The following RUNX2 variants were observed in gnomAD, a reference collection of about 807,000 sequenced individuals.
RUNX2 encodes the protein RUNX family transcription factor 2, also known as runt-related transcription factor 2.
A neutral mutation model predicts 51.7 loss-of-function variants in RUNX2; 10 were observed. That is an observed-to-expected ratio of 0.19 (90% CI 0.12 to 0.33). The LOEUF (loss-of-function observed/expected upper bound fraction) is 0.33. RUNX2 is among the 10% of genes least tolerant of loss of function. RUNX2 has a pLI of 1.00. For synonymous variants in RUNX2, 276 were observed against 273.6 expected (o/e 1.01, Z -0.09); for missense variants, 562 against 691.3 (o/e 0.81, Z 2.10).
chr6:45,500,405 G>C (rs1389691570), intron 6 of RUNX2, among the ~76,000 whole-genome samples: 7 of 152,168 alleles, frequency 4.6e-5, no homozygotes, highest in Admixed American at 2.6e-4. Context: ...TTGTAATAAA[G>C]ACTTGCTTTT....
chr6:45,361,512 T>C (rs1054115527), intron 2 of RUNX2: 1 of 152,224 alleles, frequency 6.6e-6, no homozygotes, highest in Non-Finnish European at 1.5e-5. Context: ...ATTAAAATTC[T>C]TAAGAAGTTT....
intron 7 of RUNX2, among the ~76,000 whole-genome samples, chr6:45,522,122 C>T (rs1200405801): frequency 6.6e-6 from 1 of 152,156 alleles, no homozygotes; most frequent in Non-Finnish European, 1.5e-5. Context: ...GTTTGGAATG[C>T]TTTTCTTTCA....
At chr6:45,465,648 GTT>G in intron 5 of RUNX2, among the ~76,000 whole-genome samples, 1 of 141,998 alleles carries the variant, frequency 7.0e-6, no homozygotes, top group African/African-American at 2.6e-5. Context: ...TTTCTTTTTG[GTT>G]TTTTTTTTTT....
At chr6:45,456,793 A>C (rs1483364969) in intron 5 of RUNX2, among the ~76,000 whole-genome samples, 3 of 152,250 alleles carry the variant, frequency 2.0e-5, no homozygotes, top group Non-Finnish European at 4.4e-5. Context: ...TTGTAATAAC[A>C]TTGATGACTT....
chr6:45,506,916 A>G (rs1800985814), intron 6 of RUNX2, among the ~76,000 whole-genome samples: 1 of 151,738 alleles, frequency 6.6e-6, no homozygotes, highest in South Asian at 2.1e-4. Context: ...TTGGCCTTCC[A>G]AAGTACTGAG....
rs77744169 is a variant in RUNX2, at chr6:45,399,759, A to AAAGGAAGG, written c.59-22828_59-22821dup. ...GGGGAAAGAGAGAAAGGAAGAGAGG[A>AAAGGAAGG]AAGGAAGGAAGGAGGGAGGGAGGGA... On this transcript the variant is annotated intron_variant, in intron 2 of 8. Transcript: ENST00000647337. Among the ~76,000 whole-genome samples the AAAGGAAGG allele has an allele frequency of 2.8e-5, 4 of 145,178 alleles. No individual in the cohort carries two copies. In the Admixed American group the frequency reaches 2.8e-4, roughly 10 times the overall value.
Position 45,395,689 on chromosome 6 carries a change from T to C in RUNX2, c.59-26904T>C, listed in dbSNP as rs969437119. 7.2e-5 allele frequency among the ~76,000 whole-genome samples: 11 copies of C among 152,110 alleles called. No homozygotes were observed. In the East Asian group the frequency reaches 1.9e-3, roughly 27 times the overall value. On this transcript the variant is annotated intron_variant, in intron 2 of 8. Transcript: ENST00000647337. ...AACCCAAGACTTTTTTGAGACAGGG[T>C]CTTGTTCTGTTGCCCAGGCTGGAGT...
At chr6:45,378,488 G>A (rs1797116110) in intron 2 of RUNX2, among the ~76,000 whole-genome samples, 1 of 152,156 alleles carries the variant, frequency 6.6e-6, no homozygotes, top group Non-Finnish European at 1.5e-5. Flanking sequence ...AACCCTTTCT[G>A]GGACGGCGAA....
chr6:45,330,258 A>G (rs1787190324), intron 2 of RUNX2, among the ~76,000 whole-genome samples: 1 of 151,958 alleles, frequency 6.6e-6, no homozygotes, highest in Admixed American at 6.6e-5. Context: ...AAAAACTTCT[A>G]TATTAAGGAA....
intron 5 of RUNX2, among the ~76,000 whole-genome samples, chr6:45,482,922 G>T (rs1414211632): frequency 6.6e-6 from 1 of 152,190 alleles, no homozygotes; most frequent in East Asian, 1.9e-4. Context: ...GGGGACTCTT[G>T]AAGATATGTG....
chr6:45,512,892 T>C (rs1490223547), intron 7 of RUNX2, among the ~76,000 whole-genome samples: 2 of 152,076 alleles, frequency 1.3e-5, no homozygotes, highest in African/African-American at 4.8e-5. Context: ...CAGAAACTAG[T>C]CATTTGAAGT....
intron 7 of RUNX2, among the ~76,000 whole-genome samples, chr6:45,537,584 C>A (rs530323663): frequency 6.6e-6 from 1 of 152,196 alleles, no homozygotes; most frequent in East Asian, 1.9e-4. Context: ...GGCATCCCAG[C>A]TGTTTGGTTA....
intron 7 of RUNX2, among the ~76,000 whole-genome samples, chr6:45,531,274 T>G (rs1404239506): frequency 6.6e-6 from 1 of 152,188 alleles, no homozygotes; most frequent in Non-Finnish European, 1.5e-5. Flanking sequence ...AGCCCAAACC[T>G]GGATAACACC....
At chr6:45,470,672 TCTC>T (rs1799773235) in intron 5 of RUNX2, among the ~76,000 whole-genome samples, 2 of 152,298 alleles carry the variant, frequency 1.3e-5, no homozygotes, top group African/African-American at 4.8e-5. Context: ...CGGAAATACT[TCTC>T]CTGGTCTCTA....
chr6:45,448,541 G>A (rs757177364), intron 5 of RUNX2, among the ~76,000 whole-genome samples: 1 of 152,236 alleles, frequency 6.6e-6, no homozygotes, highest in African/African-American at 2.4e-5. Flanking sequence ...AGGTGGATGG[G>A]GTGACTCCAG....
chr6:45,355,464 TG>T (rs955393156), intron 2 of RUNX2, among the ~76,000 whole-genome samples: 3 of 151,808 alleles, frequency 2.0e-5, no homozygotes, highest in Non-Finnish European at 4.4e-5. Flanking sequence ...TCATTGGGGG[TG>T]GGGGTTAATT....
At position 45,519,977 on chromosome 6, in the gene RUNX2, C is replaced by T. The variant is rs142521446; in HGVS notation, c.1021+7570C>T. Among the ~76,000 whole-genome samples, 850 of 151,938 alleles carry T rather than the reference C, an allele frequency of 5.6e-3. 5 individuals carry two copies. The highest frequency in any genetic ancestry group is 8.4e-3 in the Non-Finnish European group (573 of 67,964). Reference sequence around the variant, plus strand: ...CGATTACAGACTGGGATTACAGGCACCCACCACCACATCTGGCTATTTTTT... The same window carrying T: ...CGATTACAGACTGGGATTACAGGCATCCACCACCACATCTGGCTATTTTTT... On this transcript the variant is annotated intron_variant, in intron 7 of 8. Transcript: ENST00000647337.
intron 2 of RUNX2, among the ~76,000 whole-genome samples, chr6:45,359,056 T>C (rs903837046): frequency 2.6e-5 from 4 of 152,166 alleles, no homozygotes; most frequent in African/African-American, 9.6e-5. Context: ...TTCATTTCTG[T>C]AAGTAAGCAA....
chr6:45,380,951 T>C (rs1390598600), intron 2 of RUNX2, among the ~76,000 whole-genome samples: 1 of 152,240 alleles, frequency 6.6e-6, no homozygotes, highest in African/African-American at 2.4e-5. Context: ...TTGAGATTCA[T>C]AACTCTTACT....
Sources: allele counts gnomAD v4.1 joint callset (sites outside exome capture counted in the v4.1 genomes callset), GRCh38; gene constraint gnomAD v4.1.1; transcripts MANE v1.5; gene names NCBI Gene and HGNC (gene_info 2026-07-23, HGNC 2026-07-21).